The following RPRD2 variants were observed in gnomAD, a reference collection of about 807,000 sequenced individuals.
The protein encoded by RPRD2 is regulation of nuclear pre-mRNA domain containing 2, also known as regulation of nuclear pre-mRNA domain-containing protein 2.
In RPRD2, 12 loss-of-function variants were observed where a neutral mutation model predicts 104.4. That is an observed-to-expected ratio of 0.11 (90% CI 0.07 to 0.19). RPRD2 has a LOEUF of 0.19. Ranked by LOEUF, RPRD2 falls within the 10% of genes least tolerant of loss-of-function variation. RPRD2 has a pLI of 1.00. For missense variants in RPRD2, 1,543 were observed against 1,790.1 expected, an observed-to-expected ratio of 0.86 and a Z score of 2.49; for synonymous variants, 714 against 684.9, an observed-to-expected ratio of 1.04 and a Z score of -0.66.
In RPRD2 at chr1:150,474,254, T is replaced by C. The variant is rs191863913; in HGVS notation, c.*920T>C. The C allele has an allele frequency of 1.3e-5, 2 of 152,364 alleles. No homozygotes were observed. The highest frequency in any genetic ancestry group is 1.9e-4 in the East Asian group (1 of 5,194). 9.4% of individuals were successfully genotyped at this position (152,364 alleles called of 1,614,324 possible). A position where few individuals can be genotyped will look rare whatever the true frequency, so the allele number is the denominator to read the frequency against. Reference sequence around the variant, plus strand: ...AATATTATCCCTGCATTTTTAAATATAAGAAGTAGACATTAATTTTACCAT... The same window carrying C: ...AATATTATCCCTGCATTTTTAAATACAAGAAGTAGACATTAATTTTACCAT... On this transcript the variant is annotated 3_prime_UTR_variant, in exon 11 of 11. Transcript: ENST00000369068.
chr1:150,455,111 C>T (rs1667435719), intron 7 of RPRD2, among the ~76,000 whole-genome samples: 1 of 152,170 alleles, frequency 6.6e-6, no homozygotes, highest in Non-Finnish European at 1.5e-5. Flanking sequence ...AAACTCATTA[C>T]CCCAGTCTAG....
chr1:150,385,280 A>G (rs1416968834), intron 1 of RPRD2, among the ~76,000 whole-genome samples: 2 of 151,886 alleles, frequency 1.3e-5, no homozygotes, highest in Non-Finnish European at 2.9e-5. Flanking sequence ...GGGGCAACAT[A>G]TTTAAGAGTC....
At chr1:150,430,006 G>A (rs1325842583) in intron 2 of RPRD2, among the ~76,000 whole-genome samples, 1 of 152,124 alleles carries the variant, frequency 6.6e-6, no homozygotes, top group Non-Finnish European at 1.5e-5. Flanking sequence ...GCTCCCCCTG[G>A]CTTCTGAGAT....
At chr1:150,425,447 C>T (rs1218863637) in intron 2 of RPRD2, among the ~76,000 whole-genome samples, 9 of 151,850 alleles carry the variant, frequency 5.9e-5, no homozygotes, top group African/African-American at 1.9e-4. Context: ...AGTTTGAGAC[C>T]AGCCTGACCA....
At chr1:150,381,516 T>TC (rs1661127098) in intron 1 of RPRD2, among the ~76,000 whole-genome samples, 1 of 151,452 alleles carries the variant, frequency 6.6e-6, no homozygotes, top group Non-Finnish European at 1.5e-5. Flanking sequence ...TTTTTTTTTT[T>TC]TTTTTTGAGA....
chr1:150,373,532 A>ATTTTTTTTTT (rs1572342696), intron 1 of RPRD2, among the ~76,000 whole-genome samples: 1 of 44,940 alleles, frequency 2.2e-5, no homozygotes, highest in African/African-American at 8.7e-5. Context: ...ATCAAGAATG[A>ATTTTTTTTTT]CTTTTTTTTT....
At chr1:150,461,872 C>G (rs782402157) in intron 9 of RPRD2, among the ~76,000 whole-genome samples, 1 of 151,510 alleles carries the variant, frequency 6.6e-6, no homozygotes, top group South Asian at 2.1e-4. Context: ...CCCAGCTGCT[C>G]GGGAGGCTAA....
In RPRD2 at chr1:150,472,979, C is replaced by T; in HGVS notation, c.4031C>T (p.Pro1344Leu). The T allele has an allele frequency of 1.2e-6, 2 of 1,613,970 alleles. No homozygotes were observed. The highest frequency in any genetic ancestry group is 1.7e-6 in the Non-Finnish European group (2 of 1,179,864). ...GTLAEHFGVL[P>L]GPRDHGGPTQ... ...CTGGCTGAGCATTTTGGGGTACTCC[C>T]AGGACCCAGGGACCACGGGGGCCCC... The change falls in exon 11 of 11, where the codon CCA becomes CTA. Residue 1344 changes from proline (P) to leucine (L), a missense_variant. By Grantham distance (98) the Pro-to-Leu change is moderately conservative. This residue lies in a region of RPRD2 where 880 missense variants were observed against 885.6 expected (regional missense o/e 0.99). Transcript: ENST00000369068.
intron 3 of RPRD2, 131 bp from the exon 4 acceptor site, chr1:150,441,750 A>G: frequency 1.9e-6 from 1 of 534,182 alleles, no homozygotes; most frequent in Non-Finnish European, 3.3e-6. Context: ...CATAAAAATG[A>G]AAGAAAAGGA....
At chr1:150,436,385 A>C (rs1553893090) in intron 2 of RPRD2, among the ~76,000 whole-genome samples, 1 of 145,956 alleles carries the variant, frequency 6.9e-6, no homozygotes, top group African/African-American at 2.6e-5. Context: ...GCAGATCACG[A>C]GGTCGGGAGA....
rs1056602013 is a variant in RPRD2, at chr1:150,472,865, C to G, written c.3917C>G (p.Pro1306Arg). The G allele has an allele frequency of 5.0e-6, 8 of 1,612,712 alleles. No individual in the cohort carries two copies. The highest frequency in any genetic ancestry group is 6.8e-6 in the Non-Finnish European group (8 of 1,179,326). The change falls in exon 11 of 11, where the codon CCC becomes CGC. Residue 1306 changes from proline to arginine, a missense_variant. Pro to Arg is a moderately radical substitution (Grantham distance 103, BLOSUM62 -2). Around this residue, in one of 4 missense-constraint regions of RPRD2, gnomAD observed 880 missense variants for 885.6 expected, o/e 0.99. Transcript: ENST00000369068. ...PPPVDHSGVV[P>R]FPAPPLAEHG... ...CCTGTTGACCACTCTGGAGTTGTAC[C>G]CTTCCCAGCCCCACCACTGGCAGAG...
intron 2 of RPRD2, among the ~76,000 whole-genome samples, chr1:150,421,263 A>G (rs1290045452): frequency 1.3e-5 from 2 of 152,224 alleles, no homozygotes; most frequent in Non-Finnish European, 2.9e-5. Context: ...AGAAAGATTT[A>G]TCTTGCAAGA....
chr1:150,402,993 C>T (rs1572403494), intron 1 of RPRD2, among the ~76,000 whole-genome samples: 1 of 151,880 alleles, frequency 6.6e-6, no homozygotes, highest in South Asian at 2.1e-4. Context: ...AAAAAAGATC[C>T]CCGTTTCAGA....
chr1:150,458,642 G>A (rs1437784514), intron 8 of RPRD2, among the ~76,000 whole-genome samples: 1 of 151,988 alleles, frequency 6.6e-6, no homozygotes, highest in Non-Finnish European at 1.5e-5. Context: ...CTTTTTATTT[G>A]TTTGTTTTTG....
chr1:150,462,443 C>G (rs1553899017), intron 9 of RPRD2, among the ~76,000 whole-genome samples: 2 of 144,010 alleles, frequency 1.4e-5, no homozygotes, highest in Admixed American at 6.8e-5. Flanking sequence ...AGACTCTTGT[C>G]TCAAAAAAAA....
chr1:150,422,385 A>AAAT (rs1553889848), intron 2 of RPRD2, among the ~76,000 whole-genome samples: 3 of 147,522 alleles, frequency 2.0e-5, no homozygotes, highest in South Asian at 4.2e-4. Flanking sequence ...ATTAAAATAA[A>AAAT]AAAATAAAAC....
intron 2 of RPRD2, 109 bp from the exon 3 acceptor site, chr1:150,440,811 ACAT>A (rs1243140663): frequency 1.9e-5 from 12 of 643,908 alleles, no homozygotes; most frequent in Admixed American, 3.4e-5. Context: ...TTTGAAATAA[ACAT>A]CAGAAGAAAT....
chr1:150,378,146 CA>C (rs1660860297), intron 1 of RPRD2, among the ~76,000 whole-genome samples: 1 of 151,950 alleles, frequency 6.6e-6, no homozygotes, highest in Admixed American at 6.6e-5. Flanking sequence ...GTTAATTTTA[CA>C]AACATAACAC....
intron 1 of RPRD2, among the ~76,000 whole-genome samples, chr1:150,376,609 T>C (rs1179384533): frequency 1.3e-5 from 2 of 151,568 alleles, no homozygotes; most frequent in African/African-American, 2.4e-5. Context: ...CACGCCATTC[T>C]CTCGCCTCAG....
Sources: allele counts gnomAD v4.1 joint callset (sites outside exome capture counted in the v4.1 genomes callset), GRCh38; gene constraint gnomAD v4.1.1; regional missense constraint gnomAD v4.1.1; transcripts MANE v1.5; gene names NCBI Gene and HGNC (gene_info 2026-07-23, HGNC 2026-07-21).